The following CYP7B1 variants were observed in gnomAD, a reference collection of about 807,000 sequenced individuals.
CYP7B1 encodes cytochrome P450 7B1.
In CYP7B1, 29 loss-of-function variants were observed where a neutral mutation model predicts 42.7. The observed-to-expected ratio is 0.68, with a 90% CI of 0.51 to 0.93. The LOEUF (loss-of-function observed/expected upper bound fraction) is 0.93, where lower values mean the gene tolerates loss of function less well. Ranked by LOEUF, CYP7B1 falls within the 40% of genes least tolerant of loss-of-function variation. CYP7B1 has a pLI of 0.00. For missense variants in CYP7B1, 655 were observed against 600.5 expected (o/e 1.09, Z -0.95); for synonymous variants, 235 against 218.2 (o/e 1.08, Z -0.68).
intron 1 of CYP7B1, among the ~76,000 whole-genome samples, chr8:64,777,174 TAAAA>T (rs71561235): frequency 0.023 from 2,650 of 113,108 alleles, 89 homozygotes; most frequent in African/African-American, 0.077. Flanking sequence ...GGTCATTTTG[TAAAA>T]AAAAAAAAAA....
intron 1 of CYP7B1, among the ~76,000 whole-genome samples, chr8:64,730,601 G>A (rs1807393984): frequency 6.6e-6 from 1 of 152,186 alleles, no homozygotes; most frequent in African/African-American, 2.4e-5. Context: ...CTAAAGATCT[G>A]GCAGTTAAAT....
chr8:64,793,703 A>G (rs1804659071), intron 1 of CYP7B1, among the ~76,000 whole-genome samples: 1 of 151,932 alleles, frequency 6.6e-6, no homozygotes, highest in Non-Finnish European at 1.5e-5. Flanking sequence ...CACTTTAAAC[A>G]TTTTTCTCAA....
At position 64,639,805 on chromosome 8, in the gene CYP7B1, T is replaced by C. The variant is rs183116631; in HGVS notation, c.123-15266A>G. On this transcript the variant is annotated intron_variant, in intron 1 of 5. Transcript: ENST00000310193. ...AAACACATGTCCATACAAAGACTTA[T>C]ATGTGAATGTTCATAGGAGTATTAA... Among the ~76,000 whole-genome samples the C allele has an allele frequency of 1.8e-3, 267 of 152,260 alleles. 2 individuals are homozygous for C. Among genetic ancestry groups the C allele is most frequent in the Non-Finnish European group, 4.7e-4 (32 of 67,988 alleles).
intron 1 of CYP7B1, among the ~76,000 whole-genome samples, chr8:64,695,462 C>CACTAATTT (rs1806810140): frequency 6.6e-6 from 1 of 152,142 alleles, no homozygotes; most frequent in African/African-American, 2.4e-5. Context: ...ATCAGATTAT[C>CACTAATTT]ACTAATTTAT....
At chr8:64,690,948 CTG>C (rs1467325501) in intron 1 of CYP7B1, among the ~76,000 whole-genome samples, 1 of 152,180 alleles carries the variant, frequency 6.6e-6, no homozygotes, top group Non-Finnish European at 1.5e-5. Flanking sequence ...ACATGTGTAA[CTG>C]TGCAAAATTC....
chr8:64,670,356 A>T (rs1472514835), intron 1 of CYP7B1, among the ~76,000 whole-genome samples: 1 of 152,198 alleles, frequency 6.6e-6, no homozygotes, highest in East Asian at 1.9e-4. Context: ...TAGCTTCTTT[A>T]AGAAGGATAA....
intron 1 of CYP7B1, among the ~76,000 whole-genome samples, chr8:64,683,046 T>C (rs1806563069): frequency 6.6e-6 from 1 of 152,190 alleles, no homozygotes; most frequent in South Asian, 2.1e-4. Flanking sequence ...ACCTTCAAAA[T>C]ATTTTCCAAA....
chr8:64,607,695 G>T (rs1008258242), intron 4 of CYP7B1, among the ~76,000 whole-genome samples: 3 of 152,124 alleles, frequency 2.0e-5, no homozygotes, highest in Non-Finnish European at 4.4e-5. Context: ...GGGGACTGCA[G>T]GTAATAAAAG....
intron 1 of CYP7B1, among the ~76,000 whole-genome samples, chr8:64,657,505 A>ATTTGTATGAAT: frequency 6.6e-6 from 1 of 152,192 alleles, no homozygotes; most frequent in Non-Finnish European, 1.5e-5. Flanking sequence ...CATGGCAGAC[A>ATTTGTATGAAT]TTTGTATGAA....
At chr8:64,635,270 A>AT (rs1384563750) in intron 1 of CYP7B1, among the ~76,000 whole-genome samples, 1 of 152,208 alleles carries the variant, frequency 6.6e-6, no homozygotes, top group East Asian at 1.9e-4. Flanking sequence ...AGTAATCTCT[A>AT]TTGTCCCCTG....
intron 5 of CYP7B1, among the ~76,000 whole-genome samples, chr8:64,603,877 G>GCACCTATTGCATCATTT (rs1805237110): frequency 6.6e-6 from 1 of 152,152 alleles, no homozygotes; most frequent in South Asian, 2.1e-4. Context: ...ATTTAGAGGT[G>GCACCTATTGCATCATTT]GTCCAGCTAT....
chr8:64,730,909 T>C (rs986410506), intron 1 of CYP7B1, among the ~76,000 whole-genome samples: 1 of 152,132 alleles, frequency 6.6e-6, no homozygotes, highest in Admixed American at 6.5e-5. Flanking sequence ...GGTCCCCTCA[T>C]GCTGGTCTCA....
intron 4 of CYP7B1, among the ~76,000 whole-genome samples, chr8:64,610,017 T>C (rs1470328527): frequency 1.3e-5 from 2 of 152,174 alleles, no homozygotes; most frequent in Non-Finnish European, 2.9e-5. Context: ...GCCTCCCAGG[T>C]GGTTCCAATG....
At chr8:64,727,078 C>A (rs542886496) in intron 1 of CYP7B1, among the ~76,000 whole-genome samples, 223 of 152,270 alleles carry the variant, frequency 1.5e-3, no homozygotes, top group South Asian at 6.8e-3. Flanking sequence ...AATGAAGTCA[C>A]ACTCTGGGAG....
At chr8:64,745,228 C>T (rs1173590817) in intron 1 of CYP7B1, among the ~76,000 whole-genome samples, 1 of 152,166 alleles carries the variant, frequency 6.6e-6, no homozygotes, top group African/African-American at 2.4e-5. Context: ...ATTTTGTATG[C>T]TTCCATTTGC....
intron 4 of CYP7B1, among the ~76,000 whole-genome samples, chr8:64,608,923 A>T (rs1181257120): frequency 6.6e-6 from 1 of 152,244 alleles, no homozygotes; most frequent in Non-Finnish European, 1.5e-5. Flanking sequence ...TCTTTGGTTC[A>T]CTGCTAAAAT....
intron 5 of CYP7B1, among the ~76,000 whole-genome samples, chr8:64,604,238 C>G (rs1486760307): frequency 6.6e-6 from 1 of 152,172 alleles, no homozygotes; most frequent in African/African-American, 2.4e-5. Context: ...AGTATATGGG[C>G]TTAACTACAG....
At chr8:64,675,450 T>C (rs1032664256) in intron 1 of CYP7B1, among the ~76,000 whole-genome samples, 1 of 150,806 alleles carries the variant, frequency 6.6e-6, no homozygotes, top group Non-Finnish European at 1.5e-5. Flanking sequence ...CATTATTTTA[T>C]TATTTATTAA....
chr8:64,627,173 T>C (rs1335509887), intron 1 of CYP7B1, among the ~76,000 whole-genome samples: 2 of 152,220 alleles, frequency 1.3e-5, no homozygotes, highest in Non-Finnish European at 2.9e-5. Flanking sequence ...AAACACTGCA[T>C]AGAGATGGGA....
Sources: allele counts gnomAD v4.1 joint callset (sites outside exome capture counted in the v4.1 genomes callset), GRCh38; gene constraint gnomAD v4.1.1; transcripts MANE v1.5; gene names NCBI Gene and HGNC (gene_info 2026-07-23, HGNC 2026-07-21).